Variants in C10orf105 observed in about 807,000 individuals in gnomAD.
The protein encoded by C10orf105 is uncharacterized protein C10orf105.
C10orf105 carries 2 observed loss-of-function variants against 0.6 expected under a neutral mutation model. The ratio of observed to expected loss-of-function variants is 3.18; its 90% CI spans 1.30 to 10.01. The LOEUF (loss-of-function observed/expected upper bound fraction) is 10.01, where lower values mean the gene tolerates loss of function less well. Ranked by LOEUF, C10orf105 falls within the 30% of genes most tolerant of loss-of-function variation. The pLI, the probability that C10orf105 is intolerant of heterozygous loss-of-function variation, is 0.04. For synonymous variants in C10orf105, 95 were observed against 82.4 expected (o/e 1.15, Z -0.83); for missense variants, 209 against 191.4 (o/e 1.09, Z -0.54).
In C10orf105 at chr10:71,712,691, A is replaced by G; in HGVS notation, c.*3245T>C. 1 of 1,613,648 alleles carries G rather than the reference A, an allele frequency of 6.2e-7. No individual in the cohort carries two copies. The highest frequency in any genetic ancestry group is 8.5e-7 in the Non-Finnish European group (1 of 1,179,876). On this transcript the variant is annotated 3_prime_UTR_variant, in exon 2 of 2. Coordinates refer to ENST00000441508, the MANE Select transcript of C10orf105 (RefSeq NM_001164375.3). ...CAACGGCCCTGTAGGGAAGCGACAC[A>G]CGGGCACAGCCACCGTGTTCGTCAC...
intron 1 of C10orf105, chr10:71,730,642 C>T (rs781001183): frequency 1.8e-5 from 29 of 1,611,364 alleles, no homozygotes; most frequent in Non-Finnish European, 2.3e-5. Flanking sequence ...TCCCATTGCT[C>T]AGAGCAAACC....
rs1302049478 is a variant in C10orf105 at position 71,713,398 on chromosome 10, T to C, written c.*2538A>G. 11 of 676,916 alleles carry C rather than the reference T, an allele frequency of 1.6e-5. No homozygotes were observed. The highest frequency in any genetic ancestry group is 2.9e-5 in the Non-Finnish European group (11 of 373,536). The allele number at this position is 676,916 out of a possible 1,614,324, so 41.9% of individuals were successfully genotyped here. A position where few individuals can be genotyped will look rare whatever the true frequency, so the allele number is the denominator to read the frequency against. ...GGGAGGGAGGCCCGGAGTGAATGAG[T>C]CTCTTTACCAACTATGGGGTTTCCG... is the stretch of plus-strand genomic sequence containing the variant. On this transcript the variant is annotated 3_prime_UTR_variant, in exon 2 of 2. Transcript: ENST00000441508.
At chr10:71,716,419 A>G (rs1866242360) in intron 1 of C10orf105, 77 bp from the exon 2 acceptor site, 1 of 1,227,168 alleles carries the variant, frequency 8.1e-7, no homozygotes, top group East Asian at 2.6e-5. Flanking sequence ...AGACTTACCT[A>G]GGGAATGTGG....
Position 71,712,954 on chromosome 10 carries a change from G to T in C10orf105, c.*2982C>A. ...TGGGTCCGCTGCTCTGGAAGGTGCT[G>T]TGGGGAAAGGGGGACCCAGGCCCTC... On this transcript the variant is annotated 3_prime_UTR_variant, in exon 2 of 2. Transcript: ENST00000441508. 2.9e-6 allele frequency: 3 copies of T among 1,027,786 alleles called. No homozygotes were observed. The highest frequency in any genetic ancestry group is 2.9e-6 in the Non-Finnish European group (2 of 677,994). The allele number at this position is 1,027,786 out of a possible 1,614,324, so 63.7% of individuals were successfully genotyped here.
Position 71,712,505 on chromosome 10 carries a change from T to C in C10orf105, c.*3431A>G. 1.5e-6 allele frequency: 1 copy of C among 676,694 alleles called. No individual in the cohort carries two copies. The highest frequency in any genetic ancestry group is 1.9e-5 in the South Asian group (1 of 52,946). 41.9% of individuals were successfully genotyped at this position (676,694 alleles called of 1,614,324 possible). On this transcript the variant is annotated 3_prime_UTR_variant, in exon 2 of 2. Coordinates refer to ENST00000441508, the MANE Select transcript of C10orf105 (RefSeq NM_001164375.3). ...TCTAAGTATTTGATACTGTTAGTGT[T>C]ATTCCTAAGCTAAAAAGGAAGTCAC...
chr10:71,733,429 G>A (rs1380434377), intron 1 of C10orf105, among the ~76,000 whole-genome samples: 2 of 151,994 alleles, frequency 1.3e-5, no homozygotes, highest in African/African-American at 4.8e-5. Flanking sequence ...AGGGTGTAGA[G>A]GCAGGGCTGA....
At chr10:71,732,424 T>G (rs1839423334) in intron 1 of C10orf105, 3 of 1,549,512 alleles carry the variant, frequency 1.9e-6, no homozygotes, top group Middle Eastern at 3.3e-4. Context: ...CTAACCAACA[T>G]TGGTTGAGCT....
intron 1 of C10orf105, among the ~76,000 whole-genome samples, chr10:71,729,029 C>T (rs150159216): frequency 0.022 from 3,306 of 152,132 alleles, 132 homozygotes; most frequent in African/African-American, 0.076. Flanking sequence ...GAGACAGAGT[C>T]TCACTATGTT....
upstream of C10orf105, among the ~76,000 whole-genome samples, chr10:71,720,375 A>G (rs1866497587): frequency 6.6e-6 from 1 of 151,934 alleles, no homozygotes; most frequent in Non-Finnish European, 1.5e-5. Context: ...TGCTCCCCAC[A>G]GTGCGGGTGG....
rs1866181735 is a variant in C10orf105, at chr10:71,715,650, T to C, written c.*286A>G. The C allele has an allele frequency of 6.6e-6, 2 of 302,020 alleles. No homozygotes were observed. Among genetic ancestry groups the C allele is most frequent in the Non-Finnish European group, 1.2e-5 (2 of 163,492 alleles). 18.7% of individuals were successfully genotyped at this position (302,020 alleles called of 1,614,324 possible). A position where few individuals can be genotyped will look rare whatever the true frequency, so the allele number is the denominator to read the frequency against. On this transcript the variant is annotated 3_prime_UTR_variant, in exon 2 of 2. Coordinates refer to ENST00000441508, the MANE Select transcript of C10orf105 (RefSeq NM_001164375.3). ...TGGTTACGAGCCCCAGGTTGTACCCTGTGGAGCCTCAGGCCAAAGGCCCAG... is the reference window on the plus strand; with the variant it reads ...TGGTTACGAGCCCCAGGTTGTACCCCGTGGAGCCTCAGGCCAAAGGCCCAG...
At chr10:71,731,247 A>G (rs1490716803) in intron 1 of C10orf105, among the ~76,000 whole-genome samples, 6 of 152,296 alleles carry the variant, frequency 3.9e-5, no homozygotes, top group East Asian at 3.9e-4. Flanking sequence ...CTGGAGACCC[A>G]CTGTCCCCCA....
At chr10:71,723,792 C>T (rs76506273), upstream of C10orf105, among the ~76,000 whole-genome samples, 2,661 of 152,192 alleles carry the variant, frequency 0.017, 86 homozygotes, top group African/African-American at 0.058. Context: ...AGCCTCCCTG[C>T]GAACCTGGAG....
intron 1 of C10orf105, among the ~76,000 whole-genome samples, chr10:71,726,089 C>A (rs1321252646): frequency 6.6e-6 from 1 of 152,186 alleles, no homozygotes; most frequent in Non-Finnish European, 1.5e-5. Context: ...TCCCGAATGG[C>A]TGAAAACCTA....
intron 1 of C10orf105, among the ~76,000 whole-genome samples, chr10:71,730,922 A>G (rs1438683118): frequency 6.6e-6 from 1 of 152,200 alleles, no homozygotes; most frequent in Non-Finnish European, 1.5e-5. Context: ...CAGAGCTGGG[A>G]GGGGTAAAGA....
At chr10:71,730,571 G>C (rs1199894992) in intron 1 of C10orf105, 1 of 1,613,802 alleles carries the variant, frequency 6.2e-7, no homozygotes, top group Non-Finnish European at 8.5e-7. Flanking sequence ...TGGAACGTCA[G>C]TCATCGTGGT....
At chr10:71,731,541 G>A (rs1466088844) in intron 1 of C10orf105, among the ~76,000 whole-genome samples, 1 of 152,174 alleles carries the variant, frequency 6.6e-6, no homozygotes, top group Non-Finnish European at 1.5e-5. Context: ...GAGTGGGGAG[G>A]ATGGGGGAAG....
intron 1 of C10orf105, among the ~76,000 whole-genome samples, chr10:71,730,902 A>G (rs1306751907): frequency 6.6e-6 from 1 of 152,184 alleles, no homozygotes; most frequent in Non-Finnish European, 1.5e-5. Context: ...GCCTTTAGAG[A>G]GGGGCTGGGC....
At chr10:71,729,139 T>A (rs934090749) in intron 1 of C10orf105, among the ~76,000 whole-genome samples, 2 of 152,166 alleles carry the variant, frequency 1.3e-5, no homozygotes, top group African/African-American at 4.8e-5. Flanking sequence ...CTGGCCTCCA[T>A]AAACACCTTT....
chr10:71,718,695 C>A (rs1457215408), intron 1 of C10orf105, among the ~76,000 whole-genome samples: 2 of 152,200 alleles, frequency 1.3e-5, no homozygotes, highest in Non-Finnish European at 2.9e-5. Flanking sequence ...TATTTCAAGG[C>A]CTTCAAAGGA....
Sources: gnomAD v4.1 joint callset for allele counts (sites outside exome capture counted in the v4.1 genomes callset) on GRCh38, gnomAD v4.1.1 for gene constraint, MANE v1.5 for transcripts, NCBI Gene and HGNC (gene_info 2026-07-23, HGNC 2026-07-21) for gene names.